AGGF1: variants seen among roughly 807,000 people sequenced by gnomAD.
AGGF1 encodes the protein angiogenic factor with G patch and FHA domains 1.
A neutral mutation model predicts 86.5 loss-of-function variants in AGGF1; 56 were observed. The ratio of observed to expected loss-of-function variants is 0.65; its 90% CI spans 0.52 to 0.81. The LOEUF (loss-of-function observed/expected upper bound fraction) is 0.81, where lower values mean the gene tolerates loss of function less well. Among genes scored for constraint, AGGF1 ranks in the 30% least tolerant of loss-of-function variants. The pLI is 0.00. For missense variants in AGGF1, 816 were observed against 850.9 expected, an observed-to-expected ratio of 0.96 and a Z score of 0.51; for synonymous variants, 313 against 297.1, an observed-to-expected ratio of 1.05 and a Z score of -0.55.
intron 8 of AGGF1, among the ~76,000 whole-genome samples, chr5:77,050,903 G>A (rs1259947729): frequency 6.6e-6 from 1 of 152,198 alleles, no homozygotes; most frequent in African/African-American, 2.4e-5. Context: ...GTTAATATAT[G>A]AAAAACCATT....
intron 7 of AGGF1, 135 bp downstream of exon 7, chr5:77,048,407 A>G (rs1747309155): frequency 1.5e-5 from 11 of 712,808 alleles, no homozygotes; most frequent in Admixed American, 5.1e-5. Flanking sequence ...GCTGGAGTGC[A>G]GTGGCACGAT....
At chr5:77,062,740 T>A (rs1164218416) in intron 13 of AGGF1, among the ~76,000 whole-genome samples, 1 of 152,156 alleles carries the variant, frequency 6.6e-6, no homozygotes, top group African/African-American at 2.4e-5. Context: ...TCCATTGCCT[T>A]TATTTCTGGT....
At chr5:77,042,224 A>C (rs1301059100) in intron 5 of AGGF1, among the ~76,000 whole-genome samples, 3 of 151,488 alleles carry the variant, frequency 2.0e-5, no homozygotes, top group South Asian at 2.1e-4. Context: ...CTACACAGAC[A>C]CGGCAACCAT....
Position 77,046,453 on chromosome 5 carries a change from A to T in AGGF1, c.977A>T (p.His326Leu). Residue 326 changes from histidine to leucine, a missense_variant, in exon 6 of 14, where the codon CAC (histidine) becomes CTC (leucine). Physicochemically the swap from His to Leu is moderately conservative, Grantham distance 99. This residue lies in a region of AGGF1 where 565 missense variants were observed against 585.8 expected (regional missense o/e 0.96). Transcript: ENST00000312916. The part of the protein sequence containing the change: ...MKKKAKIGIH[H>L]KNSPPKVTVP... ...AAGAAGGCCAAAATAGGCATTCATCACAAAAATAGTCCCCCCAAAGTCACT... is the reference window on the plus strand; with the variant it reads ...AAGAAGGCCAAAATAGGCATTCATCTCAAAAATAGTCCCCCCAAAGTCACT... The T allele has an allele frequency of 6.2e-7, 1 of 1,614,108 alleles. No individual in the cohort carries two copies. Among genetic ancestry groups the T allele is most frequent in the South Asian group, 1.1e-5 (1 of 91,080 alleles).
At chr5:77,046,244 C>A in intron 5 of AGGF1, 103 bp from the exon 6 acceptor site, 1 of 980,568 alleles carries the variant, frequency 1.0e-6, no homozygotes, top group Non-Finnish European at 1.7e-6. Flanking sequence ...ATTTTACTGA[C>A]ACATATCTTC....
intron 4 of AGGF1, among the ~76,000 whole-genome samples, chr5:77,038,570 CCACT>C (rs1401364221): frequency 1.3e-5 from 2 of 152,024 alleles, no homozygotes; most frequent in Non-Finnish European, 2.9e-5. Flanking sequence ...TGGAAAGCCT[CCACT>C]CAGTTTCTTA....
At chr5:77,045,348 A>G (rs1747225563) in intron 5 of AGGF1, among the ~76,000 whole-genome samples, 1 of 152,230 alleles carries the variant, frequency 6.6e-6, no homozygotes, top group African/African-American at 2.4e-5. Flanking sequence ...AAAAATAAGT[A>G]TTTGAGGTAA....
chr5:77,044,608 T>G (rs182492358), intron 5 of AGGF1, among the ~76,000 whole-genome samples: 20 of 152,304 alleles, frequency 1.3e-4, no homozygotes, highest in Admixed American at 1.3e-3. Flanking sequence ...CAGTAAGTAA[T>G]AAATATACAA....
chr5:77,035,789 C>G (rs1445176812), intron 3 of AGGF1, 46 bp downstream of exon 3: 14 of 1,518,056 alleles, frequency 9.2e-6, no homozygotes, highest in Non-Finnish European at 1.3e-5. Flanking sequence ...AAGAACCTGT[C>G]CTTCTTTGTT....
intron 3 of AGGF1, 153 bp downstream of exon 3, chr5:77,035,896 T>G: frequency 1.4e-6 from 1 of 735,862 alleles, no homozygotes; most frequent in South Asian, 1.7e-5. Context: ...TGTTGTAGTT[T>G]TTCCAAAACC....
rs756903286 is a variant in AGGF1, at chr5:77,046,439, A to G, written c.963A>G (p.Lys321=). The change falls in exon 6 of 14, where the codon AAA becomes AAG. Residue 321 remains lysine (K), a synonymous_variant. Coordinates refer to ENST00000312916, the MANE Select transcript of AGGF1 (RefSeq NM_018046.5). ...ENFANMKKKA[K]IGIHHKNSPP... is the part of the protein sequence containing the mutation. ...TCGCAAATATGAAAAAGAAGGCCAA[A>G]ATAGGCATTCATCACAAAAATAGTC... 1.1e-5 allele frequency: 17 copies of G among 1,613,920 alleles called. No individual in the cohort carries two copies. The Admixed American group carries it at 1.8e-4, about 17-fold the overall frequency.
At chr5:77,043,595 C>CT (rs1554046451) in intron 5 of AGGF1, among the ~76,000 whole-genome samples, 4 of 118,762 alleles carry the variant, frequency 3.4e-5, no homozygotes, top group South Asian at 2.9e-4. Flanking sequence ...TGACCCCCCC[C>CT]CCCCCGGATG....
intron 1 of AGGF1, among the ~76,000 whole-genome samples, chr5:77,031,514 T>C (rs1746852967): frequency 6.6e-6 from 1 of 152,268 alleles, no homozygotes; most frequent in African/African-American, 2.4e-5. Context: ...AGGGACGATA[T>C]ATAACTGCTT....
intron 5 of AGGF1, among the ~76,000 whole-genome samples, chr5:77,045,388 CTG>C (rs1361796418): frequency 2.0e-5 from 3 of 152,110 alleles, no homozygotes; most frequent in African/African-American, 7.2e-5. Flanking sequence ...AATTTAACCA[CTG>C]TACATTGTGT....
rs776224474 is a variant in AGGF1 at position 77,063,925 on chromosome 5, A to G, written c.*673A>G. ...TTTAGATATGAACAACTGAATACAT[A>G]TTGAAATAGTGTGCTGGCTTTTGTA... is the stretch of plus-strand genomic sequence containing the variant. On this transcript the variant is annotated 3_prime_UTR_variant, in exon 14 of 14. Transcript: ENST00000312916. 1 of 152,698 alleles carries G rather than the reference A, an allele frequency of 6.5e-6. No homozygotes were observed. The highest frequency in any genetic ancestry group is 1.5e-5 in the Non-Finnish European group (1 of 68,108). The allele number at this position is 152,698 out of a possible 1,614,324, so 9.5% of individuals were successfully genotyped here.
In AGGF1 at chr5:77,035,686, C is replaced by T. The variant is rs368421471; in HGVS notation, c.459C>T (p.Thr153=). Residue 153 remains threonine (T), a synonymous_variant, in exon 3 of 14, where the codon ACC becomes ACT. Coordinates refer to ENST00000312916, the MANE Select transcript of AGGF1 (RefSeq NM_018046.5). ...TAGAAAATGATGCTTACCCTGGTACCGATAGAACAGAAAATGTTAAATATA... is the reference window on the plus strand; with the variant it reads ...TAGAAAATGATGCTTACCCTGGTACTGATAGAACAGAAAATGTTAAATATA... The part of the protein sequence containing the change: ...LQVENDAYPG[T]DRTENVKYRQ... The T allele has an allele frequency of 1.3e-5, 21 of 1,613,356 alleles. No homozygotes were observed. Among genetic ancestry groups the T allele is most frequent in the African/African-American group, 2.7e-5 (2 of 74,850 alleles).
intron 8 of AGGF1, among the ~76,000 whole-genome samples, chr5:77,050,801 A>T (rs1747359042): frequency 6.6e-6 from 1 of 152,244 alleles, no homozygotes; most frequent in South Asian, 2.1e-4. Context: ...TGAAAAGTTC[A>T]TGCAAATTTA....
Position 77,063,648 on chromosome 5 carries a change from A to C in AGGF1, c.*396A>C, listed in dbSNP as rs183509809. The C allele has an allele frequency of 2.3e-3, 459 of 199,230 alleles. 1 individual carries two copies. The highest frequency in any genetic ancestry group is 0.01 in the African/African-American group (432 of 41,982). 12.3% of individuals were successfully genotyped at this position (199,230 alleles called of 1,614,324 possible). On this transcript the variant is annotated 3_prime_UTR_variant, in exon 14 of 14. Transcript: ENST00000312916. ...ACAAAAGAAACATCAGAAGTTTATA[A>C]AAATAAATCTGACTATATGCATCCT...
intron 4 of AGGF1, among the ~76,000 whole-genome samples, chr5:77,038,759 A>G (rs985483470): frequency 6.6e-6 from 1 of 152,170 alleles, no homozygotes; most frequent in African/African-American, 2.4e-5. Flanking sequence ...TCTGGTCTGC[A>G]TGGATTTAGG....
Sources: allele counts gnomAD v4.1 joint callset (sites outside exome capture counted in the v4.1 genomes callset), GRCh38; gene constraint gnomAD v4.1.1; regional missense constraint gnomAD v4.1.1; transcripts MANE v1.5; gene names NCBI Gene and HGNC (gene_info 2026-07-23, HGNC 2026-07-21).